NRXN3: variants seen among roughly 807,000 people sequenced by gnomAD.
NRXN3 encodes the protein neurexin III.
A neutral mutation model predicts 137.6 loss-of-function variants in NRXN3; 32 were observed. The observed-to-expected ratio is 0.23, with a 90% CI of 0.18 to 0.31. The LOEUF is 0.31. NRXN3 is among the 10% of genes least tolerant of loss of function. NRXN3 has a pLI of 1.00. For missense variants in NRXN3, 1,574 were observed against 2,062.5 expected (o/e 0.76, Z 4.59); for synonymous variants, 798 against 784.5 (o/e 1.02, Z -0.29).
intron 15 of NRXN3, among the ~76,000 whole-genome samples, chr14:79,082,086 A>T (rs2152761588): frequency 6.6e-6 from 1 of 151,768 alleles, no homozygotes; most frequent in African/African-American, 2.4e-5. Flanking sequence ...ATACATATAT[A>T]CACATACTTA....
chr14:78,208,343 A>G (rs2062409824), intron 1 of NRXN3, among the ~76,000 whole-genome samples: 1 of 152,120 alleles, frequency 6.6e-6, no homozygotes, highest in African/African-American at 2.4e-5. Flanking sequence ...CCTGCCCTTG[A>G]CACTGTGCCT....
intron 15 of NRXN3, among the ~76,000 whole-genome samples, chr14:79,213,452 C>T (rs1030009857): frequency 5.9e-5 from 9 of 152,080 alleles, no homozygotes; most frequent in African/African-American, 2.2e-4. Flanking sequence ...ACAATGTGAT[C>T]CTTTTCATGT....
intron 1 of NRXN3, among the ~76,000 whole-genome samples, chr14:78,188,349 C>T (rs2060421726): frequency 2.0e-5 from 3 of 152,114 alleles, no homozygotes. Flanking sequence ...AGGTTACCTC[C>T]CACCTGGAGC....
At chr14:79,433,298 A>C (rs2095793237) in intron 15 of NRXN3, among the ~76,000 whole-genome samples, 1 of 152,192 alleles carries the variant, frequency 6.6e-6, no homozygotes, top group South Asian at 2.1e-4. Context: ...CTAAAAGAAA[A>C]AAGAAGGACT....
intron 1 of NRXN3, among the ~76,000 whole-genome samples, chr14:78,228,605 C>T (rs2064993283): frequency 6.6e-6 from 1 of 152,166 alleles, no homozygotes; most frequent in Non-Finnish European, 1.5e-5. Context: ...TCACAATACC[C>T]CTTTCATGTA....
intron 16 of NRXN3, among the ~76,000 whole-genome samples, chr14:79,657,902 G>A (rs1164259592): frequency 6.6e-6 from 1 of 152,094 alleles, no homozygotes; most frequent in Middle Eastern, 3.4e-3. Flanking sequence ...GTCTCTTATG[G>A]TACAAAAAAG....
intron 4 of NRXN3, among the ~76,000 whole-genome samples, chr14:78,480,166 A>G (rs770800728): frequency 2.2e-4 from 33 of 152,114 alleles, no homozygotes; most frequent in Non-Finnish European, 2.8e-4. Context: ...AAACCCAAAA[A>G]AGAAATTTGG....
At chr14:79,359,347 T>C (rs1397935460) in intron 15 of NRXN3, among the ~76,000 whole-genome samples, 1 of 152,028 alleles carries the variant, frequency 6.6e-6, no homozygotes, top group Non-Finnish European at 1.5e-5. Context: ...CCCTACAGAG[T>C]TATTTTCTGC....
intron 4 of NRXN3, among the ~76,000 whole-genome samples, chr14:78,377,143 A>G (rs564697207): frequency 6.6e-6 from 1 of 152,234 alleles, no homozygotes; most frequent in South Asian, 2.1e-4. Flanking sequence ...GATTAAAAAC[A>G]TGACCCAACT....
chr14:79,797,500 A>G (rs1487466349), intron 19 of NRXN3, among the ~76,000 whole-genome samples: 1 of 152,196 alleles, frequency 6.6e-6, no homozygotes, highest in East Asian at 1.9e-4. Flanking sequence ...CACCTCCAAC[A>G]TTCAGGACCT....
intron 4 of NRXN3, among the ~76,000 whole-genome samples, chr14:78,568,967 T>TTTTTTTTTTTTTTTG (rs2096862785): frequency 7.0e-6 from 1 of 143,414 alleles, no homozygotes; most frequent in African/African-American, 2.8e-5. Flanking sequence ...GCAGGTTTTT[T>TTTTTTTTTTTTTTTG]TTTTTTTTTT....
Position 79,043,005 on chromosome 14 carries a change from C to T in NRXN3, c.3262+54864C>T, listed in dbSNP as rs539877615. ...CAGCCCAATAAAGCTTCAGAACATA[C>T]AGCACAAACAAATGCCATTTCATTT... On this transcript the variant is annotated intron_variant, in intron 15 of 20. Coordinates refer to ENST00000335750, the MANE Select transcript of NRXN3 (RefSeq NM_001330195.2). Among the ~76,000 whole-genome samples, 24 of 151,638 alleles carry T rather than the reference C, an allele frequency of 1.6e-4. 1 individual carries two copies. The highest frequency in any genetic ancestry group is 5.8e-4 in the African/African-American group (24 of 41,284).
chr14:78,646,910 A>T (rs761933810), intron 5 of NRXN3, among the ~76,000 whole-genome samples: 2 of 152,234 alleles, frequency 1.3e-5, no homozygotes, highest in Non-Finnish European at 2.9e-5. Flanking sequence ...GGCTTGTTAC[A>T]TGAGAGCTGC....
chr14:78,298,236 T>A (rs1454968184), intron 4 of NRXN3, among the ~76,000 whole-genome samples: 2 of 152,218 alleles, frequency 1.3e-5, no homozygotes, highest in Non-Finnish European at 2.9e-5. Flanking sequence ...CCAGGCCCCA[T>A]GCCGGGGCTC....
intron 4 of NRXN3, among the ~76,000 whole-genome samples, chr14:78,510,384 G>A (rs1231732352): frequency 1.3e-5 from 2 of 152,162 alleles, no homozygotes; most frequent in African/African-American, 2.4e-5. Context: ...TCTATGCTTA[G>A]CTCTAATCTC....
chr14:79,183,472 A>C (rs1394375832), intron 15 of NRXN3, among the ~76,000 whole-genome samples: 1 of 152,238 alleles, frequency 6.6e-6, no homozygotes, highest in South Asian at 2.1e-4. Context: ...CCCATAGTAC[A>C]AAGTAAAATG....
At chr14:79,417,590 T>G (rs143290919) in intron 15 of NRXN3, among the ~76,000 whole-genome samples, 99 of 152,248 alleles carry the variant, frequency 6.5e-4, no homozygotes, top group African/African-American at 2.1e-3. Flanking sequence ...GAAGAAGCCC[T>G]TCATAGCAGT....
intron 20 of NRXN3, among the ~76,000 whole-genome samples, chr14:79,809,697 G>A (rs2140797501): frequency 6.6e-6 from 1 of 152,262 alleles, no homozygotes; most frequent in Middle Eastern, 3.4e-3. Context: ...TGTTAATTGT[G>A]TTCTTCACAA....
intron 15 of NRXN3, among the ~76,000 whole-genome samples, chr14:79,219,092 A>C (rs1469118138): frequency 6.6e-6 from 1 of 152,048 alleles, no homozygotes; most frequent in Non-Finnish European, 1.5e-5. Context: ...AAAGTATATA[A>C]ATGTTAGTAA....
Sources: allele counts gnomAD v4.1 joint callset (sites outside exome capture counted in the v4.1 genomes callset), GRCh38; gene constraint gnomAD v4.1.1; transcripts MANE v1.5; gene names NCBI Gene and HGNC (gene_info 2026-07-23, HGNC 2026-07-21).